Variants in CNTNAP2 observed in about 807,000 individuals in gnomAD.
The protein encoded by CNTNAP2 is contactin associated protein 2, also known as contactin-associated protein-like 2.
A neutral mutation model predicts 155.2 loss-of-function variants in CNTNAP2; 98 were observed. The observed-to-expected ratio is 0.63, with a 90% confidence interval of 0.54 to 0.75. The LOEUF is 0.75. Among genes scored for constraint, CNTNAP2 ranks in the 30% least tolerant of loss-of-function variants. CNTNAP2 has a pLI of 0.00. For synonymous variants in CNTNAP2, 651 were observed against 631.2 expected (o/e 1.03, Z -0.47); for missense variants, 1,727 against 1,688.1 (o/e 1.02, Z -0.40).
intron 1 of CNTNAP2, among the ~76,000 whole-genome samples, chr7:146,654,976 C>A (rs1799971941): frequency 6.6e-6 from 1 of 151,972 alleles, no homozygotes; most frequent in Non-Finnish European, 1.5e-5. Flanking sequence ...ATCCCTTTTA[C>A]CTAATAGGCA....
intron 3 of CNTNAP2, among the ~76,000 whole-genome samples, chr7:147,043,592 A>G (rs891600544): frequency 1.3e-5 from 2 of 152,242 alleles, no homozygotes; most frequent in African/African-American, 4.8e-5. Flanking sequence ...CATTTATTGT[A>G]TAAATTAAAT....
intron 13 of CNTNAP2, among the ~76,000 whole-genome samples, chr7:147,639,747 C>T (rs931855290): frequency 1.3e-5 from 2 of 152,200 alleles, no homozygotes; most frequent in Admixed American, 6.5e-5. Flanking sequence ...GTAGTTGCTT[C>T]ACAGTACCTG....
At chr7:146,968,804 A>G (rs1227708161) in intron 3 of CNTNAP2, among the ~76,000 whole-genome samples, 1 of 148,784 alleles carries the variant, frequency 6.7e-6, no homozygotes, top group Non-Finnish European at 1.5e-5. Flanking sequence ...TTGTGTCTCT[A>G]TTTCCTTCAG....
intron 1 of CNTNAP2, among the ~76,000 whole-genome samples, chr7:146,642,071 A>G (rs1585020466): frequency 6.6e-6 from 1 of 151,934 alleles, no homozygotes; most frequent in East Asian, 1.9e-4. Flanking sequence ...TGTTTTTTAA[A>G]GAAAAAAGCT....
At chr7:146,772,017 T>G (rs1427317841) in intron 1 of CNTNAP2, among the ~76,000 whole-genome samples, 1 of 152,140 alleles carries the variant, frequency 6.6e-6, no homozygotes, top group African/African-American at 2.4e-5. Flanking sequence ...TTTAGTACAT[T>G]CATTCATTTA....
intron 13 of CNTNAP2, among the ~76,000 whole-genome samples, chr7:147,773,809 A>G (rs181165118): frequency 6.6e-6 from 1 of 152,240 alleles, no homozygotes; most frequent in East Asian, 1.9e-4. Context: ...AAACTTCCTA[A>G]TAGCTTCCCA....
At chr7:148,244,431 G>A (rs1796217260) in intron 20 of CNTNAP2, among the ~76,000 whole-genome samples, 1 of 152,148 alleles carries the variant, frequency 6.6e-6, no homozygotes, top group South Asian at 2.1e-4. Flanking sequence ...TGTAAGGAAT[G>A]AGTATTGAGC....
At chr7:146,683,087 G>T (rs764101217) in intron 1 of CNTNAP2, among the ~76,000 whole-genome samples, 9 of 152,170 alleles carry the variant, frequency 5.9e-5, no homozygotes, top group Non-Finnish European at 1.0e-4. Flanking sequence ...AGGCTGGAGT[G>T]CAGTGGCAGG....
intron 18 of CNTNAP2, among the ~76,000 whole-genome samples, chr7:148,199,677 A>G (rs1795336726): frequency 6.6e-6 from 1 of 152,246 alleles, no homozygotes; most frequent in Non-Finnish European, 1.5e-5. Context: ...TATAAGCATA[A>G]AACACTCAGT....
In CNTNAP2 at chr7:146,273,082, GAGAA is replaced by G. The variant is rs773248043; in HGVS notation, c.97+156113_97+156116del. Among the ~76,000 whole-genome samples the G allele has an allele frequency of 1.1e-3, 163 of 145,770 alleles. 1 individual carries two copies. Among genetic ancestry groups the G allele is most frequent in the African/African-American group, 4.3e-3 (156 of 36,152 alleles). The stretch of plus-strand genomic sequence containing the variant: ...GGTGAGGGTGGAAGGGTGAGAGAAA[GAGAA>G]AGAGAGAGAGAGAGAGAGAGAGAGA... On this transcript the variant is annotated intron_variant, in intron 1 of 23. Transcript: ENST00000361727.
chr7:146,859,020 A>G (rs1161942462), intron 3 of CNTNAP2, among the ~76,000 whole-genome samples: 2 of 152,212 alleles, frequency 1.3e-5, no homozygotes, highest in African/African-American at 4.8e-5. Flanking sequence ...AGAAAGGCCC[A>G]AGTGCTGACA....
chr7:146,883,863 T>C (rs999344283), intron 3 of CNTNAP2, among the ~76,000 whole-genome samples: 2 of 152,090 alleles, frequency 1.3e-5, no homozygotes, highest in Non-Finnish European at 2.9e-5. Context: ...AAAGAGAATG[T>C]TAATGTAAGT....
At chr7:147,398,612 TTGTG>T (rs1264500824) in intron 10 of CNTNAP2, among the ~76,000 whole-genome samples, 2 of 135,036 alleles carry the variant, frequency 1.5e-5, no homozygotes, top group South Asian at 2.5e-4. Context: ...TTTTTTTGCT[TTGTG>T]TGTAGATTTG....
At chr7:147,904,792 A>G in intron 14 of CNTNAP2, among the ~76,000 whole-genome samples, 1 of 152,204 alleles carries the variant, frequency 6.6e-6, no homozygotes. Context: ...ATGTGTGTGT[A>G]TATGTGTGTA....
intron 8 of CNTNAP2, among the ~76,000 whole-genome samples, chr7:147,150,002 T>C (rs913614761): frequency 1.3e-5 from 2 of 152,166 alleles, no homozygotes; most frequent in Non-Finnish European, 2.9e-5. Context: ...TAGGTAACAG[T>C]CCCTTTAGCT....
intron 4 of CNTNAP2, among the ~76,000 whole-genome samples, chr7:147,061,044 G>A (rs1215183721): frequency 2.6e-5 from 4 of 151,976 alleles, no homozygotes; most frequent in Non-Finnish European, 5.9e-5. Flanking sequence ...AATGCTGTAT[G>A]ATTCAACTTA....
intron 15 of CNTNAP2, among the ~76,000 whole-genome samples, chr7:148,115,842 T>TA (rs201198487): frequency 0.029 from 4,315 of 150,340 alleles, 85 homozygotes; most frequent in South Asian, 0.068. Context: ...ATACTTTGTT[T>TA]AAAAAAAAAA....
chr7:147,155,127 A>G (rs542656200), intron 8 of CNTNAP2, among the ~76,000 whole-genome samples: 99 of 152,214 alleles, frequency 6.5e-4, no homozygotes, highest in African/African-American at 2.2e-3. Context: ...GTATTTGGAG[A>G]TAAGACTTTG....
chr7:147,759,530 G>A (rs947521218), intron 13 of CNTNAP2, among the ~76,000 whole-genome samples: 2 of 152,090 alleles, frequency 1.3e-5, no homozygotes, highest in African/African-American at 4.8e-5. Flanking sequence ...GATAACACAA[G>A]GAACCAGACT....
Sources: gnomAD v4.1 joint callset for allele counts (sites outside exome capture counted in the v4.1 genomes callset) on GRCh38, gnomAD v4.1.1 for gene constraint, MANE v1.5 for transcripts, NCBI Gene and HGNC (gene_info 2026-07-23, HGNC 2026-07-21) for gene names.